The following FANCL variants were observed in gnomAD, a reference collection of about 807,000 sequenced individuals.
FANCL encodes the protein E3 ubiquitin-protein ligase FANCL.
Under a neutral mutation model 59.4 loss-of-function variants are expected in FANCL, and 69 were observed. That is an observed-to-expected ratio of 1.16 (90% CI 0.96 to 1.42). FANCL has a LOEUF of 1.42. FANCL is among the 40% of genes most tolerant of loss of function. The probability of loss-of-function intolerance (pLI) is 0.00; values close to 1 mark genes in which losing one functional copy is unlikely to be tolerated. For missense variants in FANCL, 519 were observed against 447.2 expected (o/e 1.16, Z -1.45); for synonymous variants, 180 against 147.1 (o/e 1.22, Z -1.62).
rs759467155 is a variant in FANCL at position 58,221,930 on chromosome 2, A to T, written c.374+12T>A. The T allele has an allele frequency of 6.4e-7, 1 of 1,568,984 alleles. No individual in the cohort carries two copies. The highest frequency in any genetic ancestry group is 1.1e-5 in the South Asian group (1 of 90,062). On this transcript the variant is annotated intron_variant, in intron 5 of 13. Transcript: ENST00000233741. ...ACAAAGGCATTTAAAACATATTTTA[A>T]AACAGACATACTTATCCCAACCAAG...
chr2:58,217,166 T>TTATA (rs1158149205), intron 5 of FANCL, among the ~76,000 whole-genome samples: 28 of 47,292 alleles, frequency 5.9e-4, no homozygotes, highest in Non-Finnish European at 8.6e-4. Context: ...TTTATATATT[T>TTATA]TATATATATA....
chr2:58,231,367 C>T (rs911538498), intron 2 of FANCL, among the ~76,000 whole-genome samples: 1 of 152,188 alleles, frequency 6.6e-6, no homozygotes. Context: ...GTATTTCACA[C>T]CAAATATGCC....
chr2:58,225,618 A>C (rs1339105329), intron 4 of FANCL, among the ~76,000 whole-genome samples: 1 of 152,014 alleles, frequency 6.6e-6, no homozygotes, highest in Non-Finnish European at 1.5e-5. Context: ...ATCCTCATGT[A>C]ATATAATAAA....
chr2:58,169,226 T>C (rs901798776), intron 7 of FANCL, among the ~76,000 whole-genome samples: 1 of 152,172 alleles, frequency 6.6e-6, no homozygotes, highest in Non-Finnish European at 1.5e-5. Flanking sequence ...GCAAAATCTT[T>C]GCTGTTCTGC....
chr2:58,204,592 C>T (rs1573701647), intron 5 of FANCL, among the ~76,000 whole-genome samples: 2 of 152,076 alleles, frequency 1.3e-5, no homozygotes, highest in South Asian at 4.1e-4. Flanking sequence ...TGATCCATTT[C>T]TGTAGTTTCA....
intron 4 of FANCL, among the ~76,000 whole-genome samples, chr2:58,226,065 T>C (rs1270848689): frequency 6.6e-6 from 1 of 152,076 alleles, no homozygotes. Flanking sequence ...GAGGGATACA[T>C]ACAATATCCA....
intron 6 of FANCL, 114 bp from the exon 7 acceptor site, chr2:58,198,776 TC>T: frequency 1.3e-6 from 1 of 760,452 alleles, no homozygotes; most frequent in Non-Finnish European, 2.3e-6. Flanking sequence ...ACGCCTGTAA[TC>T]CCAGCACTTT....
At chr2:58,204,107 T>C (rs773823387) in intron 6 of FANCL, 23 bp downstream of exon 6, 4 of 1,558,006 alleles carry the variant, frequency 2.6e-6, no homozygotes, top group East Asian at 2.2e-5. Flanking sequence ...CTGATCACAA[T>C]AACAGTTTAA....
At chr2:58,210,289 G>A (rs1312166800) in intron 5 of FANCL, among the ~76,000 whole-genome samples, 1 of 152,118 alleles carries the variant, frequency 6.6e-6, no homozygotes, top group Non-Finnish European at 1.5e-5. Context: ...AATGCAAGGA[G>A]GAACAAGTCC....
chr2:58,175,731 G>T (rs1381485050), intron 7 of FANCL, among the ~76,000 whole-genome samples: 2 of 152,192 alleles, frequency 1.3e-5, no homozygotes, highest in Non-Finnish European at 2.9e-5. Context: ...GCAGGACAGG[G>T]ATGCCCTCTC....
intron 12 of FANCL, among the ~76,000 whole-genome samples, chr2:58,161,164 C>T (rs973956524): frequency 2.1e-4 from 32 of 152,106 alleles, no homozygotes; most frequent in Admixed American, 1.5e-3. Flanking sequence ...ATTACTGCCA[C>T]TTTCAACCAC....
At position 58,229,980 on chromosome 2, in the gene FANCL, A is replaced by T. The variant is rs562836161; in HGVS notation, c.156-106T>A. The T allele has an allele frequency of 3.7e-6, 3 of 812,302 alleles. No individual in the cohort carries two copies. In the Admixed American group the frequency reaches 6.2e-5, roughly 17 times the overall value. 50.3% of individuals were successfully genotyped at this position (812,302 alleles called of 1,614,324 possible). A position where few individuals can be genotyped will look rare whatever the true frequency, so the allele number is the denominator to read the frequency against. ...TACATACAAAAGAATGACAAACATA[A>T]TTTGGACAAGTTAATAAAATTTTTA... On this transcript the variant is annotated intron_variant, in intron 2 of 13. Coordinates refer to ENST00000233741, the MANE Select transcript of FANCL (RefSeq NM_018062.4).
intron 7 of FANCL, among the ~76,000 whole-genome samples, chr2:58,178,250 C>A (rs1448977778): frequency 6.6e-6 from 1 of 152,086 alleles, no homozygotes; most frequent in Non-Finnish European, 1.5e-5. Context: ...CTGCATCATC[C>A]TGACACCAAA....
chr2:58,235,936 A>G (rs1693976789), intron 1 of FANCL, among the ~76,000 whole-genome samples: 3 of 151,834 alleles, frequency 2.0e-5, no homozygotes, highest in Admixed American at 6.6e-5. Flanking sequence ...CCAAATAAAG[A>G]GAAAGACATT....
chr2:58,189,360 C>A (rs991249302), intron 7 of FANCL, among the ~76,000 whole-genome samples: 1 of 152,068 alleles, frequency 6.6e-6, no homozygotes, highest in Non-Finnish European at 1.5e-5. Context: ...AACAGCTTCT[C>A]GTTAGTTTTC....
intron 1 of FANCL, among the ~76,000 whole-genome samples, chr2:58,239,500 T>C (rs1694319042): frequency 6.6e-6 from 1 of 152,214 alleles, no homozygotes; most frequent in South Asian, 2.1e-4. Flanking sequence ...AGGTTAGACA[T>C]GACAACTAAA....
At chr2:58,200,774 T>G (rs1438819219) in intron 6 of FANCL, among the ~76,000 whole-genome samples, 1 of 151,878 alleles carries the variant, frequency 6.6e-6, no homozygotes, top group East Asian at 1.9e-4. Flanking sequence ...AGAGTAAATA[T>G]ATGATCCTAC....
At chr2:58,236,905 G>C (rs932922626) in intron 1 of FANCL, among the ~76,000 whole-genome samples, 1 of 152,124 alleles carries the variant, frequency 6.6e-6, no homozygotes, top group African/African-American at 2.4e-5. Context: ...AATTCATAAA[G>C]AGTGCTTAAC....
At chr2:58,228,228 AT>A (rs1193399611) in intron 3 of FANCL, among the ~76,000 whole-genome samples, 1 of 152,208 alleles carries the variant, frequency 6.6e-6, no homozygotes, top group Non-Finnish European at 1.5e-5. Flanking sequence ...CTAAAGTACA[AT>A]AAATATTTAA....
Sources: allele counts gnomAD v4.1 joint callset (sites outside exome capture counted in the v4.1 genomes callset), GRCh38; gene constraint gnomAD v4.1.1; transcripts MANE v1.5; gene names NCBI Gene and HGNC (gene_info 2026-07-23, HGNC 2026-07-21).